Variants in CCDC97 observed in about 807,000 individuals in gnomAD.
The protein encoded by CCDC97 is coiled-coil domain containing 97, also known as coiled-coil domain-containing protein 97.
A neutral mutation model predicts 33.9 loss-of-function variants in CCDC97; 27 were observed. The ratio of observed to expected loss-of-function variants is 0.80; its 90% CI spans 0.59 to 1.10. CCDC97 has a LOEUF of 1.10. Among genes scored for constraint, CCDC97 ranks in the 50% least tolerant of loss-of-function variants. The pLI is 0.00. For missense variants in CCDC97, 422 were observed against 476.6 expected (o/e 0.89, Z 1.07); for synonymous variants, 217 against 194.0 (o/e 1.12, Z -0.99).
Position 41,316,591 on chromosome 19 carries a change from C to T in CCDC97, c.254C>T (p.Pro85Leu). 6.2e-7 allele frequency: 1 copy of T among 1,614,244 alleles called. No individual in the cohort carries two copies. Among genetic ancestry groups the T allele is most frequent in the Non-Finnish European group, 8.5e-7 (1 of 1,180,042 alleles). ...LPVCSQQQGE[P>L]DLTEHEKVAI... ...GTTTGCAGCCAGCAGCAGGGTGAAC[C>T]CGACTTGACAGAGCATGAGAAAGTG... Residue 85 changes from proline (P) to leucine (L), a missense_variant, in exon 2 of 5, where the codon CCC (proline) becomes CTC (leucine). Physicochemically the swap from Pro to Leu is moderately conservative, Grantham distance 98. Coordinates refer to ENST00000269967, the MANE Select transcript of CCDC97 (RefSeq NM_052848.3).
chr19:41,316,783 C>A lies in CCDC97; in HGVS notation c.446C>A (p.Thr149Asn). ...VARQGTARPRTLRTRLRNRRY... is the reference protein window; with the variant it reads ...VARQGTARPRNLRTRLRNRRY... The stretch of plus-strand genomic sequence containing the variant: ...CGGCAGGGCACTGCCCGGCCCCGCA[C>A]CCTGCGTACCCGCCTGCGTAACCGG... Residue 149 changes from threonine (T) to asparagine (N), a missense_variant, in exon 2 of 5, where the codon ACC (threonine) becomes AAC (asparagine). Transcript: ENST00000269967. 1 of 1,605,746 alleles carries A rather than the reference C, an allele frequency of 6.2e-7. No homozygotes were observed. Among genetic ancestry groups the A allele is most frequent in the African/African-American group, 1.3e-5 (1 of 74,878 alleles).
intron 2 of CCDC97, among the ~76,000 whole-genome samples, chr19:41,317,875 C>T (rs1004283463): frequency 8.6e-5 from 13 of 151,062 alleles, no homozygotes; most frequent in Admixed American, 7.3e-4. Flanking sequence ...ATGGTGAAAC[C>T]CCATCTCTAC....
At chr19:41,312,640 T>G (rs117953671) in intron 1 of CCDC97, among the ~76,000 whole-genome samples, 1,675 of 152,316 alleles carry the variant, frequency 0.011, 22 homozygotes, top group Non-Finnish European at 0.019. Flanking sequence ...TCAGTGTTGC[T>G]GAACTGAAAT....
rs1227901370 is a variant in CCDC97 at position 41,322,742 on chromosome 19, C to G, written c.*27C>G. 3 of 1,606,274 alleles carry G rather than the reference C, an allele frequency of 1.9e-6. No individual in the cohort carries two copies. In the Admixed American group the frequency reaches 5.1e-5, roughly 27 times the overall value. ...GGCCGCCACCCTTCCCACCGCCTGC[C>G]CCATCCCCATCCCCAACAAGGCAGC... On this transcript the variant is annotated 3_prime_UTR_variant, in exon 5 of 5. Transcript: ENST00000269967.
intron 1 of CCDC97, chr19:41,310,756 C>T (rs2037674241): frequency 9.7e-7 from 1 of 1,030,790 alleles, no homozygotes; most frequent in South Asian, 4.3e-5. Flanking sequence ...ATCCTCCTAC[C>T]TTTCCAGGCT....
In CCDC97 at chr19:41,319,784, T is replaced by C. The variant is rs745494270; in HGVS notation, c.713T>C (p.Leu238Pro). ...YEERELQQRLLQQQEEEEACL... is the reference protein window; with the variant it reads ...YEERELQQRLPQQQEEEEACL... Reference sequence around the variant, plus strand: ...GAGCGGGAGCTACAGCAGCGTCTGCTCCAACAGCAGGAGGAGGAGGAGGCC... The same window carrying C: ...GAGCGGGAGCTACAGCAGCGTCTGCCCCAACAGCAGGAGGAGGAGGAGGCC... The change falls in exon 3 of 5, where the codon CTC (leucine) becomes CCC (proline). Residue 238 changes from leucine (L) to proline (P), a missense_variant. By Grantham distance (98) the Leu-to-Pro change is moderately conservative. Coordinates refer to ENST00000269967, the MANE Select transcript of CCDC97 (RefSeq NM_052848.3). 2 of 1,612,098 alleles carry C rather than the reference T, an allele frequency of 1.2e-6. No homozygotes were observed. Among genetic ancestry groups the C allele is most frequent in the Admixed American group, 1.7e-5 (1 of 59,960 alleles).
chr19:41,319,829 A>G lies in CCDC97; in HGVS notation c.758A>G (p.Glu253Gly). 1 of 1,563,766 alleles carries G rather than the reference A, an allele frequency of 6.4e-7. No individual in the cohort carries two copies. Among genetic ancestry groups the G allele is most frequent in the East Asian group, 2.3e-5 (1 of 44,396 alleles). ...GAGGCCTGCTTGGAGGAAGAGGAAG[A>G]GGAGGAGGACAGTGACGAGGAAGGT... ...EEEACLEEEE[E>G]EEDSDEEDQR... Residue 253 changes from glutamate (E) to glycine (G), a missense_variant, in exon 3 of 5, where the codon GAG becomes GGG. By Grantham distance (98) the Glu-to-Gly change is moderately conservative (BLOSUM62 -2). Transcript: ENST00000269967.
chr19:41,316,510 C>T lies in CCDC97; in HGVS notation c.173C>T (p.Ala58Val). ...GCCCTGGACAGTGACACCTCCGGGG[C>T]TGAAAATGCAGCAGTGAGTGCTATG... The part of the protein sequence containing the change: ...PVALDSDTSG[A>V]ENAAVSAMLH... Residue 58 changes from alanine to valine, a missense_variant, in exon 2 of 5, where the codon GCT becomes GTT. Coordinates refer to ENST00000269967, the MANE Select transcript of CCDC97 (RefSeq NM_052848.3). 2 of 1,614,232 alleles carry T rather than the reference C, an allele frequency of 1.2e-6. No homozygotes were observed. Among genetic ancestry groups the T allele is most frequent in the Non-Finnish European group, 1.7e-6 (2 of 1,180,022 alleles).
At chr19:41,313,470 G>A (rs1204363201) in intron 1 of CCDC97, among the ~76,000 whole-genome samples, 2 of 152,056 alleles carry the variant, frequency 1.3e-5, no homozygotes, top group Non-Finnish European at 2.9e-5. Flanking sequence ...TTCCTCCACA[G>A]CCCCTGCCCT....
At chr19:41,322,526 C>T in intron 4 of CCDC97, 69 bp from the exon 5 acceptor site, 2 of 1,555,818 alleles carry the variant, frequency 1.3e-6, no homozygotes, top group Non-Finnish European at 1.7e-6. Context: ...CAGGGTGCCC[C>T]AGGCCTTTGA....
In CCDC97 at chr19:41,319,616, C is replaced by G; in HGVS notation, c.545C>G (p.Pro182Arg). ...GATGAGCAGATGCGGTTCCGGGCCC[C>G]CCTGCTATATGAGCAGTACATCGGG... The part of the protein sequence containing the change: ...FSDEQMRFRA[P>R]LLYEQYIGQY... The change falls in exon 3 of 5, where the codon CCC (proline) becomes CGC (arginine). Residue 182 changes from proline to arginine, a missense_variant. Transcript: ENST00000269967. 1 of 1,612,746 alleles carries G rather than the reference C, an allele frequency of 6.2e-7. No homozygotes were observed. Among genetic ancestry groups the G allele is most frequent in the Non-Finnish European group, 8.5e-7 (1 of 1,179,128 alleles).
Position 41,310,337 on chromosome 19 carries a change from G to A in CCDC97, c.27G>A (p.Ala9=), listed in dbSNP as rs1428761164. The A allele has an allele frequency of 1.2e-6, 2 of 1,606,766 alleles. No homozygotes were observed. Among genetic ancestry groups the A allele is most frequent in the Admixed American group, 1.7e-5 (1 of 59,138 alleles). The part of the protein sequence containing the change: MEAVATAT[A]AKEPDKGCIE... The stretch of plus-strand genomic sequence containing the variant: ...TGGAGGCCGTGGCGACGGCGACGGC[G>A]GCGAAGGAACCCGATAAGGGTGAGA... The change falls in exon 1 of 5, where the codon GCG becomes GCA. Residue 9 remains alanine (A), a synonymous_variant. Coordinates refer to ENST00000269967, the MANE Select transcript of CCDC97 (RefSeq NM_052848.3).
chr19:41,320,563 C>G, intron 4 of CCDC97, 93 bp downstream of exon 4: 1 of 1,511,080 alleles, frequency 6.6e-7, no homozygotes, highest in Non-Finnish European at 9.1e-7. Flanking sequence ...GGGGGTCTCC[C>G]TTTGTGGAGC....
Position 41,322,587 on chromosome 19 carries a change from T to A in CCDC97, c.912-8T>A. 1 of 1,612,266 alleles carries A rather than the reference T, an allele frequency of 6.2e-7. No individual in the cohort carries two copies. The highest frequency in any genetic ancestry group is 8.5e-7 in the Non-Finnish European group (1 of 1,178,916). On this transcript the variant is annotated splice_polypyrimidine_tract_variant and splice_region_variant and intron_variant, in intron 4 of 4. Coordinates refer to ENST00000269967, the MANE Select transcript of CCDC97 (RefSeq NM_052848.3). ...GACCCAGTCCTTGACAGCCTCCTCC[T>A]CCTGCAGCACAGTAGACGACAACCC...
chr19:41,310,356 G>T lies in CCDC97; in HGVS notation c.46G>T (p.Gly16Cys), dbSNP rs759151514. ...GACGGCGGCGAAGGAACCCGATAAG[G>T]GTGAGATCTTGGTCACGCGCAGGCG... ...TATAAKEPDKGCIEPGPGHWG... is the reference protein window; with the variant it reads ...TATAAKEPDKCCIEPGPGHWG... Residue 16 changes from glycine (G) to cysteine (C), a missense_variant and splice_region_variant, in exon 1 of 5, where the codon GGC becomes TGC. By Grantham distance (159) the Gly-to-Cys change is radical. Transcript: ENST00000269967. 2 of 1,605,260 alleles carry T rather than the reference G, an allele frequency of 1.2e-6. No homozygotes were observed. The highest frequency in any genetic ancestry group is 1.7e-6 in the Non-Finnish European group (2 of 1,176,488).
intron 1 of CCDC97, 103 bp downstream of exon 1, chr19:41,310,459 C>T: frequency 6.6e-7 from 1 of 1,523,198 alleles, no homozygotes; most frequent in African/African-American, 1.4e-5. Context: ...TAGGGGGACA[C>T]CCACCCCCCT....
chr19:41,314,107 T>G (rs2037716846), intron 1 of CCDC97, among the ~76,000 whole-genome samples: 1 of 152,050 alleles, frequency 6.6e-6, no homozygotes, highest in African/African-American at 2.4e-5. Flanking sequence ...CTATGGATCC[T>G]CAGCATTGCC....
chr19:41,319,932 G>C (rs1241762710), intron 3 of CCDC97, 80 bp downstream of exon 3: 4 of 709,470 alleles, frequency 5.6e-6, no homozygotes, highest in Non-Finnish European at 9.3e-6. Flanking sequence ...ATGGCAGCAG[G>C]CTGGGCCCCC....
chr19:41,316,809 C>T lies in CCDC97; in HGVS notation c.472C>T (p.Arg158Cys), dbSNP rs768310121. ...CCTGCGTACCCGCCTGCGTAACCGG[C>T]GCTATGCTGCCCTGCGAGAGCTGAT... Reference protein sequence around the residue: ...RTLRTRLRNRRYAALRELIQG... With the variant: ...RTLRTRLRNRCYAALRELIQG... The change falls in exon 2 of 5, where the codon CGC (arginine) becomes TGC (cysteine). Residue 158 changes from arginine to cysteine, a missense_variant. By Grantham distance (180) the Arg-to-Cys change is radical. Coordinates refer to ENST00000269967, the MANE Select transcript of CCDC97 (RefSeq NM_052848.3). 32 of 1,594,036 alleles carry T rather than the reference C, an allele frequency of 2.0e-5. No homozygotes were observed. Among genetic ancestry groups the T allele is most frequent in the East Asian group, 6.8e-5 (3 of 44,280 alleles).
Sources: allele counts gnomAD v4.1 joint callset (sites outside exome capture counted in the v4.1 genomes callset), GRCh38; gene constraint gnomAD v4.1.1; transcripts MANE v1.5; gene names NCBI Gene and HGNC (gene_info 2026-07-23, HGNC 2026-07-21).